Variants in PDE10A observed in about 807,000 individuals in gnomAD.
PDE10A encodes the protein cAMP and cAMP-inhibited cGMP 3',5'-cyclic phosphodiesterase 10A.
Under a neutral mutation model 97.7 loss-of-function variants are expected in PDE10A, and 39 were observed. The ratio of observed to expected loss-of-function variants is 0.40; its 90% CI spans 0.31 to 0.52. The LOEUF is 0.52. Among genes scored for constraint, PDE10A ranks in the 20% least tolerant of loss-of-function variants. The pLI is 0.56. For synonymous variants in PDE10A, 371 were observed against 376.8 expected, an observed-to-expected ratio of 0.98 and a Z score of 0.18; for missense variants, 731 against 1,047.8, an observed-to-expected ratio of 0.70 and a Z score of 4.17.
chr6:165,723,450 G>T (rs536103983), intron 1 of PDE10A, among the ~76,000 whole-genome samples: 60 of 152,132 alleles, frequency 3.9e-4, no homozygotes, highest in Admixed American at 3.9e-3. Flanking sequence ...CGGTTTCCTT[G>T]TCCTTGTTCA....
At chr6:165,386,199 T>A (rs575832841) in intron 17 of PDE10A, among the ~76,000 whole-genome samples, 41 of 152,252 alleles carry the variant, frequency 2.7e-4, no homozygotes, top group Non-Finnish European at 4.0e-4. Flanking sequence ...AACCTCCATT[T>A]TTGATGGCAG....
At chr6:165,625,776 C>A (rs1196716865) in intron 1 of PDE10A, among the ~76,000 whole-genome samples, 3 of 152,206 alleles carry the variant, frequency 2.0e-5, no homozygotes, top group African/African-American at 7.2e-5. Context: ...GCCTCCGCAG[C>A]CACATGGAAC....
At chr6:165,618,634 G>A (rs908619044) in intron 1 of PDE10A, among the ~76,000 whole-genome samples, 4 of 152,134 alleles carry the variant, frequency 2.6e-5, no homozygotes, top group African/African-American at 7.2e-5. Context: ...AAATGTTTTA[G>A]GCCTCCAACA....
rs1360012083 is a variant in PDE10A at position 165,874,463 on chromosome 6, T to G, written c.-615+113066A>C. Among the ~76,000 whole-genome samples, 3 of 152,322 alleles carry G rather than the reference T, an allele frequency of 2.0e-5. No individual in the cohort carries two copies. In the East Asian group the frequency reaches 5.8e-4, roughly 29 times the overall value. On this transcript the variant is annotated intron_variant, in intron 1 of 19. Transcript: ENST00000366882. ...GAGACATGCTAAGTGAGGCATGAAT[T>G]TATTCTACGAATTTATTTCTTCTCC...
At chr6:165,706,302 C>G (rs756056499) in intron 1 of PDE10A, among the ~76,000 whole-genome samples, 1 of 152,188 alleles carries the variant, frequency 6.6e-6, no homozygotes, top group Non-Finnish European at 1.5e-5. Flanking sequence ...CCTATGCTTA[C>G]TAAGCCAGCT....
intron 1 of PDE10A, among the ~76,000 whole-genome samples, chr6:165,892,046 T>A (rs1377308036): frequency 6.6e-6 from 1 of 151,902 alleles, no homozygotes; most frequent in African/African-American, 2.4e-5. Context: ...TGACCGGACA[T>A]GATCCAAGCA....
At chr6:165,536,817 A>C (rs138292446) in intron 2 of PDE10A, among the ~76,000 whole-genome samples, 4,069 of 151,968 alleles carry the variant, frequency 0.027, 74 homozygotes, top group Middle Eastern at 0.061. Flanking sequence ...ATGCTGGCGA[A>C]GAAAGGGGAA....
At chr6:165,965,457 C>G (rs1784483234) in intron 1 of PDE10A, among the ~76,000 whole-genome samples, 1 of 152,104 alleles carries the variant, frequency 6.6e-6, no homozygotes, top group African/African-American at 2.4e-5. Flanking sequence ...CTGAGGATAA[C>G]TCTTGGAGTG....
chr6:165,709,507 A>C (rs1007812402), intron 1 of PDE10A, among the ~76,000 whole-genome samples: 158 of 4,878 alleles, frequency 0.032, no homozygotes, highest in African/African-American at 0.036. Context: ...CGCTCCCCCC[A>C]ACTCTCCACC....
At chr6:165,449,175 A>G (rs1308087252) in intron 4 of PDE10A, among the ~76,000 whole-genome samples, 198 bp from the exon 5 acceptor site, 2 of 152,216 alleles carry the variant, frequency 1.3e-5, no homozygotes, top group Admixed American at 6.5e-5. Context: ...ATTTTTCATC[A>G]GTGAGTATAA....
chr6:165,631,481 T>C (rs1788626082), intron 1 of PDE10A, among the ~76,000 whole-genome samples: 1 of 152,240 alleles, frequency 6.6e-6, no homozygotes, highest in South Asian at 2.1e-4. Context: ...TAGCATTTTC[T>C]AAGTGAGACA....
At chr6:165,667,081 G>C (rs1790516240), upstream of PDE10A, among the ~76,000 whole-genome samples, 1 of 152,110 alleles carries the variant, frequency 6.6e-6, no homozygotes, top group African/African-American at 2.4e-5. Flanking sequence ...TATAATTCTG[G>C]TTTTAAAAAT....
chr6:165,937,816 C>T (rs1303941815), intron 1 of PDE10A, among the ~76,000 whole-genome samples: 7 of 152,184 alleles, frequency 4.6e-5, no homozygotes, highest in Non-Finnish European at 1.0e-4. Flanking sequence ...AAACAGGAGA[C>T]AATTAAGGAC....
At chr6:165,960,983 G>A (rs772989265) in intron 1 of PDE10A, among the ~76,000 whole-genome samples, 20 of 152,106 alleles carry the variant, frequency 1.3e-4, no homozygotes, top group Non-Finnish European at 2.6e-4. Context: ...AAGCGTTGCC[G>A]GGGAGTGTGG....
At chr6:165,430,248 G>A (rs891432684) in intron 9 of PDE10A, 39 bp downstream of exon 9, 2 of 1,437,330 alleles carry the variant, frequency 1.4e-6, no homozygotes, top group Non-Finnish European at 1.9e-6. Flanking sequence ...TTAAACCATT[G>A]ATTAATAAGA....
At chr6:165,357,097 G>A (rs1783075613) in intron 18 of PDE10A, among the ~76,000 whole-genome samples, 3 of 152,014 alleles carry the variant, frequency 2.0e-5, no homozygotes, top group Non-Finnish European at 2.9e-5. Context: ...CATAAATGGA[G>A]GTGTAATTTT....
At chr6:165,381,002 C>A (rs1450322622) in intron 17 of PDE10A, among the ~76,000 whole-genome samples, 2 of 151,868 alleles carry the variant, frequency 1.3e-5, no homozygotes, top group Non-Finnish European at 2.9e-5. Context: ...TGAAGGGAAT[C>A]ACAGCTGATA....
chr6:165,899,531 T>G (rs1381279200), intron 1 of PDE10A, among the ~76,000 whole-genome samples: 1 of 152,310 alleles, frequency 6.6e-6, no homozygotes, highest in Middle Eastern at 3.4e-3. Context: ...GGCAGAGAGA[T>G]GTTTTGCAAA....
chr6:165,840,058 CCATCTT>C lies in PDE10A; in HGVS notation c.-615+147465_-615+147470del, dbSNP rs1780214866. On this transcript the variant is annotated intron_variant, in intron 1 of 19. Transcript: ENST00000366882. ...CCCATCTCCATCTCCATGTCCATCT[CCATCTT>C]CATCTCCATCCCCACCTTCATCCCC... 3.9e-5 allele frequency among the ~76,000 whole-genome samples: 6 copies of C among 152,330 alleles called. No individual in the cohort carries two copies. In the South Asian group the frequency reaches 1.2e-3, roughly 32 times the overall value.
Sources: allele counts gnomAD v4.1 joint callset (sites outside exome capture counted in the v4.1 genomes callset), GRCh38; gene constraint gnomAD v4.1.1; transcripts MANE v1.5; gene names NCBI Gene and HGNC (gene_info 2026-07-23, HGNC 2026-07-21).